Variants in MYO16 observed in about 807,000 individuals in gnomAD.
MYO16 encodes the protein unconventional myosin-XVI.
Under a neutral mutation model 205.3 loss-of-function variants are expected in MYO16, and 94 were observed. That is an observed-to-expected ratio of 0.46 (90% CI 0.39 to 0.54). The LOEUF is 0.54. Ranked by LOEUF, MYO16 falls within the 20% of genes least tolerant of loss-of-function variation. The probability of loss-of-function intolerance (pLI) is 0.00; values close to 1 mark genes in which losing one functional copy is unlikely to be tolerated. For synonymous variants in MYO16, 988 were observed against 954.0 expected (o/e 1.04, Z -0.66); for missense variants, 2,315 against 2,387.5 (o/e 0.97, Z 0.63).
chr13:108,635,878 A>G (rs1880204053), intron 1 of MYO16, among the ~76,000 whole-genome samples: 3 of 152,152 alleles, frequency 2.0e-5, no homozygotes, highest in Admixed American at 2.0e-4. Flanking sequence ...GTAGAAAAAT[A>G]TGTCTCTGTT....
At chr13:108,863,467 A>C (rs549024550) in intron 11 of MYO16, among the ~76,000 whole-genome samples, 8 of 152,098 alleles carry the variant, frequency 5.3e-5, no homozygotes, top group Admixed American at 1.3e-4. Flanking sequence ...ATGTCTTTTT[A>C]AGTTTTTTAA....
At chr13:109,204,144 A>G (rs1880509840) in intron 34 of MYO16, among the ~76,000 whole-genome samples, 1 of 152,140 alleles carries the variant, frequency 6.6e-6, no homozygotes, top group South Asian at 2.1e-4. Context: ...CTCTTTTTTG[A>G]AATTTTTACA....
Position 109,125,886 on chromosome 13 carries a change from G to A in MYO16, c.3782+528G>A, listed in dbSNP as rs1440221614. ...TAAAGCAAGCTTTGGGGAAAGCTTTGTATTTAAAAGTTCACTTTAGAGGCT... is the reference window on the plus strand; with the variant it reads ...TAAAGCAAGCTTTGGGGAAAGCTTTATATTTAAAAGTTCACTTTAGAGGCT... On this transcript the variant is annotated intron_variant, in intron 30 of 34. Transcript: ENST00000457511. The surrounding 1 kb of genome is among the most constrained non-coding windows in gnomAD (Gnocchi z 4.0). 6.6e-6 allele frequency among the ~76,000 whole-genome samples: 1 copy of A among 152,144 alleles called. No homozygotes were observed. Among genetic ancestry groups the A allele is most frequent in the Non-Finnish European group, 1.5e-5 (1 of 68,024 alleles).
intron 12 of MYO16, among the ~76,000 whole-genome samples, chr13:108,876,488 C>T (rs1046844498): frequency 1.3e-5 from 2 of 151,942 alleles, no homozygotes; most frequent in African/African-American, 2.4e-5. Context: ...GGGTAAGTAC[C>T]ACTTCAACTT....
chr13:108,552,346 GC>G, the MYO16 span, among the ~76,000 whole-genome samples: 1 of 152,144 alleles, frequency 6.6e-6, no homozygotes, highest in Non-Finnish European at 1.5e-5. Context: ...ATGATTTGGT[GC>G]TTCTGTCCTT....
chr13:109,135,658 G>A (rs1159115144), intron 31 of MYO16, among the ~76,000 whole-genome samples: 1 of 152,154 alleles, frequency 6.6e-6, no homozygotes, highest in Admixed American at 6.5e-5. Context: ...ATTGCACCTC[G>A]CCAAAATTTT....
In MYO16 at chr13:108,888,965, G is replaced by A. The variant is rs766586451; in HGVS notation, c.1659+488G>A. The stretch of plus-strand genomic sequence containing the variant: ...AGCTACTCAGGAGGCTGAGGCAGGA[G>A]AATTGCTTGAAGCCGGGAGGCAGAG... On this transcript the variant is annotated intron_variant, in intron 14 of 34. Transcript: ENST00000457511. Among the ~76,000 whole-genome samples, 53 of 152,224 alleles carry A rather than the reference G, an allele frequency of 3.5e-4. No homozygotes were observed. The Middle Eastern group carries it at 0.01, about 29-fold the overall frequency.
chr13:108,755,751 TAA>T (rs577469513), intron 4 of MYO16, among the ~76,000 whole-genome samples: 67 of 152,336 alleles, frequency 4.4e-4, no homozygotes, highest in African/African-American at 1.4e-3. Context: ...TATTTTTACT[TAA>T]GTTACTATGT....
At chr13:108,752,244 A>C (rs544762454) in intron 4 of MYO16, among the ~76,000 whole-genome samples, 1 of 152,240 alleles carries the variant, frequency 6.6e-6, no homozygotes, top group Non-Finnish European at 1.5e-5. Context: ...AGAAAGACCA[A>C]GTCTCATTGT....
chr13:108,497,084 A>G, the MYO16 span, among the ~76,000 whole-genome samples: 1 of 152,192 alleles, frequency 6.6e-6, no homozygotes, highest in Non-Finnish European at 1.5e-5. Flanking sequence ...CTATCCATGC[A>G]TCTCCCAGTG....
chr13:109,090,195 T>A (rs1013543194), intron 27 of MYO16, among the ~76,000 whole-genome samples: 13 of 152,306 alleles, frequency 8.5e-5, no homozygotes, highest in Non-Finnish European at 1.3e-4. Flanking sequence ...GACTTCTTCC[T>A]CCCTTAGCAG....
At chr13:108,684,969 G>T (rs1594207609) in intron 2 of MYO16, among the ~76,000 whole-genome samples, 1 of 151,902 alleles carries the variant, frequency 6.6e-6, no homozygotes, top group South Asian at 2.1e-4. Context: ...CCTGAGTTCT[G>T]GGAGTTGTCC....
At chr13:108,829,787 C>T (rs577512268) in intron 9 of MYO16, among the ~76,000 whole-genome samples, 96 of 152,136 alleles carry the variant, frequency 6.3e-4, no homozygotes, top group Middle Eastern at 3.4e-3. Context: ...GGCAGTGTGC[C>T]CCTTTTGACC....
intron 27 of MYO16, among the ~76,000 whole-genome samples, chr13:109,085,805 C>G (rs1020891917): frequency 1.3e-5 from 2 of 152,096 alleles, no homozygotes; most frequent in African/African-American, 2.4e-5. Flanking sequence ...AGGGAACAAC[C>G]AAGTGTGGAT....
the MYO16 span, among the ~76,000 whole-genome samples, chr13:108,550,528 C>A: frequency 6.6e-6 from 1 of 152,258 alleles, no homozygotes; most frequent in East Asian, 1.9e-4. Flanking sequence ...GAGAAGCAAG[C>A]TGGTGATGTT....
chr13:109,195,530 TTTTCAAA>T (rs1406981988), intron 34 of MYO16, among the ~76,000 whole-genome samples: 1 of 152,160 alleles, frequency 6.6e-6, no homozygotes, highest in Non-Finnish European at 1.5e-5. Flanking sequence ...AGACTCTGTT[TTTTCAAA>T]TTTCATTTTT....
At chr13:109,040,541 G>A (rs529169176) in intron 23 of MYO16, among the ~76,000 whole-genome samples, 1 of 152,034 alleles carries the variant, frequency 6.6e-6, no homozygotes, top group Non-Finnish European at 1.5e-5. Context: ...TTCTGGGGAT[G>A]CACAGCTGAT....
At chr13:108,760,194 G>T (rs1281056544) in intron 4 of MYO16, among the ~76,000 whole-genome samples, 4 of 152,138 alleles carry the variant, frequency 2.6e-5, no homozygotes, top group African/African-American at 9.7e-5. Context: ...ACCCAAATCT[G>T]TTGGTTCTGA....
the MYO16 span, among the ~76,000 whole-genome samples, chr13:108,565,488 G>A: frequency 6.6e-6 from 1 of 152,110 alleles, no homozygotes; most frequent in East Asian, 1.9e-4. Context: ...CTGACTCTTG[G>A]CATATAGAAA....
Sources: gnomAD v4.1 joint callset for allele counts (sites outside exome capture counted in the v4.1 genomes callset) on GRCh38, gnomAD v4.1.1 for gene constraint, Gnocchi (gnomAD v3.1) non-coding constraint, MANE v1.5 for transcripts, NCBI Gene and HGNC (gene_info 2026-07-23, HGNC 2026-07-21) for gene names.